Variants in TNIK observed in about 807,000 individuals in gnomAD.
TNIK encodes TRAF2 and NCK-interacting protein kinase.
Under a neutral mutation model 191.3 loss-of-function variants are expected in TNIK, and 49 were observed. That is an observed-to-expected ratio of 0.26 (90% CI 0.20 to 0.32). The LOEUF (loss-of-function observed/expected upper bound fraction) is 0.32. Ranked by LOEUF, TNIK falls within the 10% of genes least tolerant of loss-of-function variation. TNIK has a pLI of 1.00. For missense variants in TNIK, 1,155 were observed against 1,702.3 expected (o/e 0.68, Z 5.66); for synonymous variants, 594 against 600.9 (o/e 0.99, Z 0.17).
At chr3:171,085,023 A>G (rs1721159465) in intron 25 of TNIK, 95 bp downstream of exon 25, 1 of 931,048 alleles carries the variant, frequency 1.1e-6, no homozygotes, top group Non-Finnish European at 1.6e-6. Flanking sequence ...AGCAGTAATC[A>G]GCTTAACTAC....
intron 7 of TNIK, among the ~76,000 whole-genome samples, chr3:171,183,483 G>A (rs940751464): frequency 2.0e-5 from 3 of 152,218 alleles, no homozygotes; most frequent in African/African-American, 4.8e-5. Context: ...AGAAATTGAT[G>A]CATTGTGTGT....
At chr3:171,288,688 G>T (rs2108226707) in intron 2 of TNIK, among the ~76,000 whole-genome samples, 1 of 151,924 alleles carries the variant, frequency 6.6e-6, no homozygotes, top group African/African-American at 2.4e-5. Context: ...TGTGCCTGTA[G>T]TCCCAGCTAC....
At chr3:171,262,693 C>T (rs1747801964) in intron 2 of TNIK, among the ~76,000 whole-genome samples, 1 of 152,224 alleles carries the variant, frequency 6.6e-6, no homozygotes, top group Non-Finnish European at 1.5e-5. Flanking sequence ...TCGTTTTTTA[C>T]TAAGCAGTCA....
Position 171,179,460 on chromosome 3 carries a change from T to G in TNIK, c.640-2080A>C, listed in dbSNP as rs184396712. Among the ~76,000 whole-genome samples, 7 of 152,046 alleles carry G rather than the reference T, an allele frequency of 4.6e-5. No individual in the cohort carries two copies. The East Asian group carries it at 5.8e-4, about 13-fold the overall frequency. On this transcript the variant is annotated intron_variant, in intron 7 of 32. Transcript: ENST00000436636. Reference sequence around the variant, plus strand: ...ATTGTACCTGGGTTTTTTGTTTTTTTTTTTTCTTTGAGACGGAGTCTCGCT... The same window carrying G: ...ATTGTACCTGGGTTTTTTGTTTTTTGTTTTTCTTTGAGACGGAGTCTCGCT...
intron 2 of TNIK, among the ~76,000 whole-genome samples, chr3:171,322,776 A>G (rs1755297385): frequency 6.6e-6 from 1 of 151,580 alleles, no homozygotes; most frequent in Non-Finnish European, 1.5e-5. Context: ...CCCTTTCCTC[A>G]CCAAAGCTTT....
At chr3:171,177,875 T>A (rs1736147843) in intron 7 of TNIK, among the ~76,000 whole-genome samples, 1 of 152,226 alleles carries the variant, frequency 6.6e-6, no homozygotes, top group South Asian at 2.1e-4. Flanking sequence ...CACTCTCCTG[T>A]CCCTAGGCAA....
intron 2 of TNIK, among the ~76,000 whole-genome samples, chr3:171,362,723 TAAAG>T (rs1715157555): frequency 6.6e-6 from 1 of 152,204 alleles, no homozygotes; most frequent in African/African-American, 2.4e-5. Context: ...TAATAAAAGA[TAAAG>T]AAATCCAGGC....
intron 28 of TNIK, among the ~76,000 whole-genome samples, chr3:171,074,218 C>T (rs987881365): frequency 2.6e-5 from 4 of 151,922 alleles, no homozygotes; most frequent in Admixed American, 6.6e-5. Flanking sequence ...TTGGCAGCAA[C>T]GTGGATGGAG....
chr3:171,265,526 T>C (rs1748275046), intron 2 of TNIK, among the ~76,000 whole-genome samples: 2 of 152,316 alleles, frequency 1.3e-5, no homozygotes, highest in South Asian at 4.1e-4. Flanking sequence ...AGACAGAGAT[T>C]TCAAAACTGG....
chr3:171,118,031 A>G (rs1038569933), intron 18 of TNIK, among the ~76,000 whole-genome samples: 7 of 152,202 alleles, frequency 4.6e-5, no homozygotes, highest in African/African-American at 1.7e-4. Flanking sequence ...ATGATTGTAT[A>G]TCTAGAAAGC....
At chr3:171,353,249 A>G (rs1027195199) in intron 2 of TNIK, among the ~76,000 whole-genome samples, 1 of 152,196 alleles carries the variant, frequency 6.6e-6, no homozygotes, top group Non-Finnish European at 1.5e-5. Context: ...CCATGCTTTC[A>G]TTATGCCAAT....
intron 1 of TNIK, among the ~76,000 whole-genome samples, chr3:171,423,342 C>G (rs1254556538): frequency 2.0e-5 from 3 of 151,850 alleles, no homozygotes; most frequent in Non-Finnish European, 2.9e-5. Context: ...AGGATACAAA[C>G]AAATGGAAGA....
chr3:171,172,676 T>C (rs1294675589), intron 9 of TNIK, among the ~76,000 whole-genome samples: 2 of 152,208 alleles, frequency 1.3e-5, no homozygotes, highest in Non-Finnish European at 2.9e-5. Context: ...TGGCACATTA[T>C]CAGGGCTTTT....
At chr3:171,316,076 C>T (rs547161954) in intron 2 of TNIK, among the ~76,000 whole-genome samples, 25 of 152,174 alleles carry the variant, frequency 1.6e-4, no homozygotes, top group African/African-American at 5.5e-4. Context: ...CTGTCTTCCC[C>T]GCTCTTCCCA....
rs189065333 is a variant in TNIK, at chr3:171,208,747, A to G, written c.306+2369T>C. Among the ~76,000 whole-genome samples the G allele has an allele frequency of 9.0e-3, 1,369 of 152,188 alleles. 13 individuals are homozygous for G. The highest frequency in any genetic ancestry group is 9.7e-3 in the Non-Finnish European group (659 of 68,008). Reference sequence around the variant, plus strand: ...TAATTTTTTTGTATTTTTAATAGAGATAGGGTTTCACCATGTTGGTCAGGC... The same window carrying G: ...TAATTTTTTTGTATTTTTAATAGAGGTAGGGTTTCACCATGTTGGTCAGGC... On this transcript the variant is annotated intron_variant, in intron 4 of 32. Coordinates refer to ENST00000436636, the MANE Select transcript of TNIK (RefSeq NM_015028.4).
At chr3:171,073,687 G>A (rs1007059288) in intron 28 of TNIK, among the ~76,000 whole-genome samples, 2 of 151,960 alleles carry the variant, frequency 1.3e-5, no homozygotes, top group African/African-American at 4.8e-5. Context: ...TTAAAAAGTG[G>A]GCAAAGGACA....
At chr3:171,096,859 T>A (rs1043179787) in intron 22 of TNIK, among the ~76,000 whole-genome samples, 1 of 152,248 alleles carries the variant, frequency 6.6e-6, no homozygotes, top group Non-Finnish European at 1.5e-5. Context: ...CTTTGTTTAA[T>A]GTCTAACAGA....
chr3:171,224,432 A>C (rs754216150), intron 3 of TNIK, among the ~76,000 whole-genome samples: 22 of 152,012 alleles, frequency 1.4e-4, no homozygotes, highest in Non-Finnish European at 2.4e-4. Flanking sequence ...AGGAATTTTT[A>C]TCCAAATGAA....
At chr3:171,371,906 T>A (rs1716539885) in intron 1 of TNIK, among the ~76,000 whole-genome samples, 1 of 151,774 alleles carries the variant, frequency 6.6e-6, no homozygotes, top group African/African-American at 2.4e-5. Flanking sequence ...AATAGCTCAA[T>A]TGTGTTTTCA....
Sources: gnomAD v4.1 joint callset for allele counts (sites outside exome capture counted in the v4.1 genomes callset) on GRCh38, gnomAD v4.1.1 for gene constraint, MANE v1.5 for transcripts, NCBI Gene and HGNC (gene_info 2026-07-23, HGNC 2026-07-21) for gene names.